Variants in PRKCE observed in about 807,000 individuals in gnomAD.
PRKCE encodes the protein protein kinase C epsilon type.
Under a neutral mutation model 85.4 loss-of-function variants are expected in PRKCE, and 16 were observed. The observed-to-expected ratio is 0.19, with a 90% CI of 0.13 to 0.28. PRKCE has a LOEUF of 0.28. Ranked by LOEUF, PRKCE falls within the 10% of genes least tolerant of loss-of-function variation. The pLI is 1.00. For missense variants in PRKCE, 573 were observed against 975.2 expected (o/e 0.59, Z 5.49); for synonymous variants, 388 against 371.5 (o/e 1.04, Z -0.51).
At chr2:45,906,890 G>A (rs1697018612) in intron 2 of PRKCE, among the ~76,000 whole-genome samples, 1 of 152,224 alleles carries the variant, frequency 6.6e-6, no homozygotes, top group African/African-American at 2.4e-5. Context: ...GTCACACCCT[G>A]CGCTTGGCTG....
intron 2 of PRKCE, among the ~76,000 whole-genome samples, chr2:45,960,615 C>T (rs915385400): frequency 1.3e-5 from 2 of 152,188 alleles, no homozygotes; most frequent in Admixed American, 1.3e-4. Context: ...ATAATGCTTG[C>T]CCACCCACCA....
chr2:45,657,671 A>G (rs1349313461), intron 1 of PRKCE, among the ~76,000 whole-genome samples: 1 of 152,200 alleles, frequency 6.6e-6, no homozygotes, highest in Non-Finnish European at 1.5e-5. Context: ...AGAATGGGAC[A>G]CTAGAAGTGT....
rs551730080 is a variant in PRKCE, at chr2:46,161,615, A to G, written c.2067+1863A>G. Among the ~76,000 whole-genome samples the G allele has an allele frequency of 8.5e-5, 13 of 152,190 alleles. No homozygotes were observed. The East Asian group carries it at 2.3e-3, about 27-fold the overall frequency. Reference sequence around the variant, plus strand: ...GGAGGACAAGTGAAGCCCAGGGGGAACCATCAGCAAGGGGTGTGAGGAGAG... The same window carrying G: ...GGAGGACAAGTGAAGCCCAGGGGGAGCCATCAGCAAGGGGTGTGAGGAGAG... On this transcript the variant is annotated intron_variant, in intron 14 of 14. Coordinates refer to ENST00000306156, the MANE Select transcript of PRKCE (RefSeq NM_005400.3).
intron 10 of PRKCE, chr2:46,073,899 G>A (rs762545445): frequency 6.6e-6 from 1 of 152,036 alleles, no homozygotes; most frequent in Non-Finnish European, 1.5e-5. Flanking sequence ...CACAGACCAC[G>A]CTATGCACGT....
intron 10 of PRKCE, among the ~76,000 whole-genome samples, chr2:46,049,905 C>G (rs1466058983): frequency 6.6e-6 from 1 of 152,212 alleles, no homozygotes; most frequent in African/African-American, 2.4e-5. Context: ...TTCTGTCCAT[C>G]AAATCCAACA....
intron 1 of PRKCE, among the ~76,000 whole-genome samples, chr2:45,744,467 TTCTTTC>T (rs1436541658): frequency 4.6e-5 from 3 of 64,536 alleles, no homozygotes; most frequent in Admixed American, 1.4e-4. Context: ...CTTTCTTTCT[TTCTTTC>T]TTTCTTTCTT....
At chr2:45,702,983 C>T (rs937926431) in intron 1 of PRKCE, among the ~76,000 whole-genome samples, 1 of 151,750 alleles carries the variant, frequency 6.6e-6, no homozygotes, top group Non-Finnish European at 1.5e-5. Context: ...CAGATAACAG[C>T]CTTTCCTATT....
In PRKCE at chr2:46,142,083, C is replaced by A. The variant is rs1439569104; in HGVS notation, c.1593-3010C>A. On this transcript the variant is annotated intron_variant, in intron 11 of 14. Coordinates refer to ENST00000306156, the MANE Select transcript of PRKCE (RefSeq NM_005400.3). ...TGGAAATTCAGAGGTCCTGGGGTAG[C>A]AGTGCTGGTAAGAAAACCATGAAGG... 2.0e-5 allele frequency among the ~76,000 whole-genome samples: 3 copies of A among 152,236 alleles called. No individual in the cohort carries two copies. The East Asian group carries it at 5.8e-4, about 29-fold the overall frequency.
At chr2:45,899,779 C>T (rs1240828168) in intron 2 of PRKCE, among the ~76,000 whole-genome samples, 3 of 152,178 alleles carry the variant, frequency 2.0e-5, no homozygotes, top group South Asian at 4.2e-4. Flanking sequence ...GCAGAGCATT[C>T]CTGCCTGAAG....
intron 11 of PRKCE, among the ~76,000 whole-genome samples, chr2:46,089,696 G>C (rs957610887): frequency 1.3e-5 from 2 of 148,746 alleles, no homozygotes; most frequent in Non-Finnish European, 2.9e-5. Flanking sequence ...CTCTCCACTT[G>C]CATGGGGAGC....
rs955927610 is a variant in PRKCE, at chr2:45,934,099, G to A, written c.413-42330G>A. Reference sequence around the variant, plus strand: ...GTCACCGACTTGCCAAATTAACTCTGTCTCCCATTCTCTCTGACACACGCT... The same window carrying A: ...GTCACCGACTTGCCAAATTAACTCTATCTCCCATTCTCTCTGACACACGCT... On this transcript the variant is annotated intron_variant, in intron 2 of 14. Transcript: ENST00000306156. 4.6e-5 allele frequency among the ~76,000 whole-genome samples: 7 copies of A among 152,126 alleles called. No individual in the cohort carries two copies. In the South Asian group the frequency reaches 6.2e-4, roughly 14 times the overall value.
intron 2 of PRKCE, among the ~76,000 whole-genome samples, chr2:45,957,184 A>G (rs1024576119): frequency 1.3e-5 from 2 of 152,248 alleles, no homozygotes; most frequent in Non-Finnish European, 2.9e-5. Context: ...TTTTAATGTC[A>G]TAGCTAATCT....
At chr2:46,111,314 T>G (rs1672234259) in intron 11 of PRKCE, among the ~76,000 whole-genome samples, 1 of 152,236 alleles carries the variant, frequency 6.6e-6, no homozygotes, top group Non-Finnish European at 1.5e-5. Flanking sequence ...TTTAATCAGT[T>G]TTTTGGTAAC....
chr2:45,749,770 C>T lies in PRKCE; in HGVS notation c.349-93230C>T, dbSNP rs576594795. Among the ~76,000 whole-genome samples the T allele has an allele frequency of 2.0e-5, 3 of 152,276 alleles. No individual in the cohort carries two copies. The South Asian group carries it at 6.2e-4, about 32-fold the overall frequency. On this transcript the variant is annotated intron_variant, in intron 1 of 14. Transcript: ENST00000306156. ...GGAACCAGAATTGAACATGAGTCTG[C>T]TTGGTTTCTAAAGTCTTTGCTCTCA...
intron 10 of PRKCE, among the ~76,000 whole-genome samples, chr2:46,061,276 A>G (rs890386534): frequency 2.0e-5 from 3 of 151,436 alleles, no homozygotes; most frequent in African/African-American, 7.3e-5. Flanking sequence ...TGCCCAGCTA[A>G]TTTTTGTATT....
At chr2:45,807,698 G>T (rs553556049) in intron 1 of PRKCE, among the ~76,000 whole-genome samples, 45 of 152,238 alleles carry the variant, frequency 3.0e-4, no homozygotes, top group African/African-American at 1.0e-3. Flanking sequence ...TGCACCAGCA[G>T]CATCAGCCTC....
chr2:46,091,724 C>G (rs1265284071), intron 11 of PRKCE, among the ~76,000 whole-genome samples: 1 of 152,146 alleles, frequency 6.6e-6, no homozygotes, highest in Non-Finnish European at 1.5e-5. Context: ...ATAAATACCA[C>G]CTGCCACAGA....
chr2:45,661,695 ATT>A (rs11406617), intron 1 of PRKCE, among the ~76,000 whole-genome samples: 121 of 130,550 alleles, frequency 9.3e-4, no homozygotes, highest in African/African-American at 2.9e-3. Flanking sequence ...CGCCCAGCTA[ATT>A]TTTTTTTTTT....
intron 2 of PRKCE, among the ~76,000 whole-genome samples, chr2:45,903,881 G>GTTTTTTTTTTTTTTTTTTTTTTTTT (rs34124689): frequency 8.5e-6 from 1 of 117,140 alleles, no homozygotes; most frequent in African/African-American, 3.7e-5. Flanking sequence ...TAGCCTGGCA[G>GTTTTTTTTTTTTTTTTTTTTTTTTT]TTTTTTTTTG....
Sources: gnomAD v4.1 joint callset for allele counts (sites outside exome capture counted in the v4.1 genomes callset) on GRCh38, gnomAD v4.1.1 for gene constraint, MANE v1.5 for transcripts, NCBI Gene and HGNC (gene_info 2026-07-23, HGNC 2026-07-21) for gene names.